The following TIAM1 variants were observed in gnomAD, a reference collection of about 807,000 sequenced individuals.
TIAM1 encodes the protein rho guanine nucleotide exchange factor TIAM1.
In TIAM1, 65 loss-of-function variants were observed where a neutral mutation model predicts 163.5. The ratio of observed to expected loss-of-function variants is 0.40; its 90% confidence interval spans 0.33 to 0.49. The LOEUF is 0.49. TIAM1 is among the 20% of genes least tolerant of loss of function. The probability of loss-of-function intolerance (pLI) is 0.77; values close to 1 mark genes in which losing one functional copy is unlikely to be tolerated. For missense variants in TIAM1, 1,789 were observed against 2,044.7 expected (o/e 0.87, Z 2.41); for synonymous variants, 833 against 810.1 (o/e 1.03, Z -0.48).
intron 10 of TIAM1, among the ~76,000 whole-genome samples, chr21:31,210,540 AAGAAAG>A (rs1361502310): frequency 1.3e-5 from 1 of 79,466 alleles, no homozygotes; most frequent in Non-Finnish European, 2.3e-5. Context: ...AAGGAAAAGA[AAGAAAG>A]AAAGAAAGAA....
intron 2 of TIAM1, among the ~76,000 whole-genome samples, chr21:31,355,841 C>T (rs529814102): frequency 3.3e-5 from 5 of 151,876 alleles, no homozygotes; most frequent in South Asian, 2.1e-4. Flanking sequence ...GTGAGCACTG[C>T]GCGCCCGGCT....
At chr21:31,461,293 G>A (rs2045316348) in intron 2 of TIAM1, among the ~76,000 whole-genome samples, 1 of 152,026 alleles carries the variant, frequency 6.6e-6, no homozygotes, top group Non-Finnish European at 1.5e-5. Flanking sequence ...AAATCAGCCT[G>A]GTCAACATGG....
Position 31,260,108 on chromosome 21 carries a change from C to CT in TIAM1, c.963+5901dup, listed in dbSNP as rs563555244. Among the ~76,000 whole-genome samples, 627 of 131,174 alleles carry CT rather than the reference C, an allele frequency of 4.8e-3. 1 individual carries two copies. Among genetic ancestry groups the CT allele is most frequent in the South Asian group, 0.019 (80 of 4,108 alleles). The allele number at this position is 131,174 out of a possible 152,430, so 86.1% of individuals were successfully genotyped here. The stretch of plus-strand genomic sequence containing the variant: ...ACTCACCATGGCCAGCTAATTTTTC[C>CT]TTTTTTTTTTTTTTTAGAGGCGAGG... On this transcript the variant is annotated intron_variant, in intron 4 of 27. Coordinates refer to ENST00000541036, the MANE Select transcript of TIAM1 (RefSeq NM_001353694.2).
chr21:31,185,225 C>G (rs2085222740), intron 14 of TIAM1, among the ~76,000 whole-genome samples: 1 of 151,842 alleles, frequency 6.6e-6, no homozygotes, highest in Non-Finnish European at 1.5e-5. Context: ...CCCTACCTAC[C>G]TGTCCCATTT....
chr21:31,210,271 G>A, intron 10 of TIAM1, 56 bp from the exon 11 acceptor site: 1 of 1,574,494 alleles, frequency 6.4e-7, no homozygotes, highest in Non-Finnish European at 8.7e-7. Context: ...GACAACCCTA[G>A]ATTCCCAGAC....
At chr21:31,450,741 A>G (rs1017798113) in intron 2 of TIAM1, among the ~76,000 whole-genome samples, 3 of 152,194 alleles carry the variant, frequency 2.0e-5, no homozygotes, top group Non-Finnish European at 2.9e-5. Flanking sequence ...CGTGCCTTAC[A>G]TTGGTGTCAG....
At chr21:31,431,838 T>C (rs1454677659) in intron 2 of TIAM1, among the ~76,000 whole-genome samples, 1 of 152,146 alleles carries the variant, frequency 6.6e-6, no homozygotes, top group Non-Finnish European at 1.5e-5. Flanking sequence ...AGTCAAAATA[T>C]GAGATCACCG....
At chr21:31,428,098 C>T (rs1366728596) in intron 2 of TIAM1, among the ~76,000 whole-genome samples, 3 of 151,972 alleles carry the variant, frequency 2.0e-5, no homozygotes. Flanking sequence ...CCTGTCTCTA[C>T]TAAAAATACA....
rs1225762072 is a variant in TIAM1, at chr21:31,462,749, GTT to G, written c.-369+1232_-369+1233del. On this transcript the variant is annotated intron_variant, in intron 2 of 28. Coordinates refer to the TIAM1 transcript ENST00000286827. ...CCCCACTTTTTTGTTTTTTTTTTTT[GTT>G]TTTTTTTTTGAGACCAAGTCTCACT... Among the ~76,000 whole-genome samples, 12 of 21,168 alleles carry G rather than the reference GTT, an allele frequency of 5.7e-4. No individual in the cohort carries two copies. In the South Asian group the frequency reaches 0.013, roughly 22 times the overall value. 13.9% of individuals were successfully genotyped at this position (21,168 alleles called of 152,430 possible).
intron 2 of TIAM1, among the ~76,000 whole-genome samples, chr21:31,388,341 G>C (rs1569288212): frequency 6.6e-6 from 1 of 151,704 alleles, no homozygotes; most frequent in Non-Finnish European, 1.5e-5. Context: ...GGGACAGGGT[G>C]GTCAAGAGAA....
Position 31,217,689 on chromosome 21 carries a change from C to T in TIAM1, c.2006G>A (p.Arg669His), listed in dbSNP as rs372207705. The change falls in exon 9 of 28, where the codon CGC becomes CAC. Residue 669 changes from arginine (R) to histidine (H), a missense_variant. Transcript: ENST00000541036. ...TCTTCTCACTCCAGTTTCACCAGTG[C>T]GTGCTGCCACCTGAGGATGGCAAGG... ...VSSFHALVAARTGETGVRRRT... is the reference protein window; with the variant it reads ...VSSFHALVAAHTGETGVRRRT... 21 of 1,613,040 alleles carry T rather than the reference C, an allele frequency of 1.3e-5. No homozygotes were observed. The highest frequency in any genetic ancestry group is 1.7e-5 in the Non-Finnish European group (20 of 1,179,516).
chr21:31,205,588 A>C (rs1394379352), intron 11 of TIAM1, among the ~76,000 whole-genome samples: 1 of 152,234 alleles, frequency 6.6e-6, no homozygotes, highest in Non-Finnish European at 1.5e-5. Flanking sequence ...TTATACAAAC[A>C]TGCAGAGAAT....
intron 2 of TIAM1, among the ~76,000 whole-genome samples, chr21:31,404,198 T>C (rs2077210763): frequency 6.6e-6 from 1 of 152,174 alleles, no homozygotes; most frequent in African/African-American, 2.4e-5. Context: ...AATTATCCTT[T>C]TATCTTTAGA....
intron 2 of TIAM1, among the ~76,000 whole-genome samples, chr21:31,285,054 C>T (rs2073741627): frequency 6.6e-6 from 1 of 152,234 alleles, no homozygotes; most frequent in Admixed American, 6.5e-5. Flanking sequence ...TTCCCCTAAC[C>T]TGTTCCCTTA....
intron 1 of TIAM1, among the ~76,000 whole-genome samples, chr21:31,487,373 T>C: frequency 6.6e-6 from 1 of 152,120 alleles, no homozygotes. Flanking sequence ...ATTTTCTTTT[T>C]CTTTTTTCTT....
intron 10 of TIAM1, 110 bp from the exon 11 acceptor site, chr21:31,210,325 G>T: frequency 8.4e-7 from 1 of 1,184,718 alleles, no homozygotes; most frequent in Non-Finnish European, 1.2e-6. Context: ...GCCCAGGGCA[G>T]AAGCGGAGGC....
chr21:31,193,375 G>A (rs961542199), intron 13 of TIAM1, among the ~76,000 whole-genome samples: 1 of 152,138 alleles, frequency 6.6e-6, no homozygotes, highest in Non-Finnish European at 1.5e-5. Context: ...TGGAATTTTG[G>A]TGCATGCTAG....
chr21:31,418,290 C>T (rs1201945443), intron 2 of TIAM1, among the ~76,000 whole-genome samples: 3 of 140,248 alleles, frequency 2.1e-5, no homozygotes, highest in East Asian at 4.3e-4. Context: ...TGAGGTGAGC[C>T]GAGATCACGC....
intron 2 of TIAM1, among the ~76,000 whole-genome samples, chr21:31,416,085 C>G (rs746529666): frequency 6.6e-6 from 1 of 152,160 alleles, no homozygotes; most frequent in African/African-American, 2.4e-5. Context: ...TTTGGGGTTA[C>G]CTTTAAAAAG....
Sources: gnomAD v4.1 joint callset for allele counts (sites outside exome capture counted in the v4.1 genomes callset) on GRCh38, gnomAD v4.1.1 for gene constraint, MANE v1.5 for transcripts, NCBI Gene and HGNC (gene_info 2026-07-23, HGNC 2026-07-21) for gene names.